Variants in MME observed in about 807,000 individuals in gnomAD.
The protein encoded by MME is neprilysin.
Under a neutral mutation model 113.2 loss-of-function variants are expected in MME, and 98 were observed. The ratio of observed to expected loss-of-function variants is 0.87; its 90% CI spans 0.74 to 1.02. The LOEUF (loss-of-function observed/expected upper bound fraction) is 1.02. Among genes scored for constraint, MME ranks in the 50% least tolerant of loss-of-function variants. The probability of loss-of-function intolerance (pLI) is 0.00; values close to 1 mark genes in which losing one functional copy is unlikely to be tolerated. For missense variants in MME, 836 were observed against 896.0 expected (o/e 0.93, Z 0.86); for synonymous variants, 292 against 300.6 (o/e 0.97, Z 0.30).
intron 1 of MME, among the ~76,000 whole-genome samples, chr3:155,064,864 T>A (rs1275090513): frequency 6.6e-6 from 1 of 152,208 alleles, no homozygotes; most frequent in Non-Finnish European, 1.5e-5. Context: ...TCTTCTAGCT[T>A]CTGGTGTTTG....
At chr3:155,026,647 C>A (rs557656995) in intron 1 of MME, among the ~76,000 whole-genome samples, 2 of 152,224 alleles carry the variant, frequency 1.3e-5, no homozygotes, top group East Asian at 3.9e-4. Context: ...TCGCTTGAAC[C>A]CCACAGGCAG....
intron 1 of MME, among the ~76,000 whole-genome samples, chr3:155,050,507 T>G (rs1274430702): frequency 6.6e-6 from 1 of 152,218 alleles, no homozygotes; most frequent in Non-Finnish European, 1.5e-5. Flanking sequence ...TTTTTGACTT[T>G]TTAATAATAA....
intron 22 of MME, among the ~76,000 whole-genome samples, chr3:155,174,227 G>T (rs1712277503): frequency 6.6e-6 from 1 of 151,488 alleles, no homozygotes; most frequent in South Asian, 2.1e-4. Context: ...ACAATATTTT[G>T]CTATAAATTA....
chr3:155,047,371 G>A (rs1559891620), intron 1 of MME, among the ~76,000 whole-genome samples: 2 of 152,170 alleles, frequency 1.3e-5, no homozygotes, highest in Admixed American at 6.5e-5. Flanking sequence ...ATATGGCCTA[G>A]GTGTGTAGTA....
chr3:155,172,719 AGTGCTTTTTTTTT>A, intron 22 of MME, 107 bp downstream of exon 22: 2 of 814,256 alleles, frequency 2.5e-6, no homozygotes, highest in Non-Finnish European at 3.9e-6. Flanking sequence ...TTGGAAATTC[AGTGCTTTTTTTTT>A]TTTTTGAGAG....
intron 3 of MME, among the ~76,000 whole-genome samples, chr3:155,087,272 T>G (rs1214193020): frequency 6.6e-6 from 1 of 151,798 alleles, no homozygotes; most frequent in East Asian, 1.9e-4. Flanking sequence ...TTTGTATCGT[T>G]TTTTGATGGA....
intron 1 of MME, among the ~76,000 whole-genome samples, chr3:155,065,295 C>T (rs921634785): frequency 6.6e-6 from 1 of 152,180 alleles, no homozygotes; most frequent in Non-Finnish European, 1.5e-5. Context: ...CTCTTCCTCT[C>T]TCCCTTACTA....
intron 17 of MME, 97 bp from the exon 18 acceptor site, chr3:155,166,805 C>A: frequency 6.6e-7 from 1 of 1,508,962 alleles, no homozygotes; most frequent in Non-Finnish European, 9.2e-7. Flanking sequence ...CGCCTGTAGT[C>A]CCAGCTACTC....
At chr3:155,060,773 CT>C (rs1163734723) in intron 1 of MME, among the ~76,000 whole-genome samples, 1 of 151,868 alleles carries the variant, frequency 6.6e-6, no homozygotes, top group African/African-American at 2.4e-5. Flanking sequence ...AGTGAGGGCC[CT>C]TTTTTCCTGT....
chr3:155,157,970 G>A (rs746029600), intron 16 of MME, among the ~76,000 whole-genome samples: 1 of 152,074 alleles, frequency 6.6e-6, no homozygotes, highest in African/African-American at 2.4e-5. Context: ...AGCCCTCAAT[G>A]TAATGTAACA....
At chr3:155,173,450 C>T (rs1675694209) in intron 22 of MME, among the ~76,000 whole-genome samples, 5 of 151,912 alleles carry the variant, frequency 3.3e-5, no homozygotes, top group Admixed American at 3.3e-4. Flanking sequence ...GCATACTGCC[C>T]AGATCATTTA....
At chr3:155,126,816 A>G (rs1282952351) in intron 8 of MME, among the ~76,000 whole-genome samples, 2 of 152,048 alleles carry the variant, frequency 1.3e-5, no homozygotes, top group Non-Finnish European at 2.9e-5. Flanking sequence ...CCTGACCACC[A>G]TGGAGAAACC....
intron 3 of MME, among the ~76,000 whole-genome samples, chr3:155,114,655 GGT>G (rs1268882775): frequency 1.9e-4 from 29 of 152,268 alleles, no homozygotes; most frequent in South Asian, 6.2e-4. Flanking sequence ...GCTAACCTCA[GGT>G]GCAGGATGGC....
intron 17 of MME, among the ~76,000 whole-genome samples, chr3:155,164,266 C>T (rs941256481): frequency 2.6e-5 from 4 of 151,846 alleles, no homozygotes; most frequent in African/African-American, 9.7e-5. Context: ...AAATAAACCA[C>T]AGAAGTTGTG....
intron 1 of MME, among the ~76,000 whole-genome samples, chr3:155,029,746 T>C (rs1183142773): frequency 2.0e-5 from 3 of 152,134 alleles, no homozygotes; most frequent in African/African-American, 7.2e-5. Context: ...TAGTTCTACT[T>C]GCCAAAGAAT....
intron 1 of MME, among the ~76,000 whole-genome samples, chr3:155,055,064 C>A (rs1470584078): frequency 6.6e-6 from 1 of 152,108 alleles, no homozygotes; most frequent in African/African-American, 2.4e-5. Context: ...AGCAATTAAA[C>A]TTCTAGATGA....
chr3:155,063,638 T>C (rs1372419727), intron 1 of MME, among the ~76,000 whole-genome samples: 1 of 124,206 alleles, frequency 8.1e-6, no homozygotes, highest in Non-Finnish European at 1.6e-5. Context: ...TATATTTGAT[T>C]ATATATTATA....
intron 1 of MME, among the ~76,000 whole-genome samples, chr3:155,057,690 A>ATTTTT (rs11398419): frequency 7.4e-6 from 1 of 134,910 alleles, no homozygotes; most frequent in Non-Finnish European, 1.6e-5. Context: ...TCTGGCATTC[A>ATTTTT]TTTTTTTTTT....
chr3:155,063,579 AAT>A (rs1287634709), intron 1 of MME, among the ~76,000 whole-genome samples: 4 of 84,090 alleles, frequency 4.8e-5, no homozygotes, highest in Non-Finnish European at 5.2e-5. Context: ...ATATTTTATT[AAT>A]ATATATAATA....
Sources: gnomAD v4.1 joint callset for allele counts (sites outside exome capture counted in the v4.1 genomes callset) on GRCh38, gnomAD v4.1.1 for gene constraint, MANE v1.5 for transcripts, NCBI Gene and HGNC (gene_info 2026-07-23, HGNC 2026-07-21) for gene names.